The following ABCB1 variants were observed in gnomAD, a reference collection of about 807,000 sequenced individuals.
ABCB1 encodes ATP binding cassette subfamily B member 1, also known as ATP-dependent translocase ABCB1.
A neutral mutation model predicts 142.0 loss-of-function variants in ABCB1; 69 were observed. The observed-to-expected ratio is 0.49, with a 90% CI of 0.40 to 0.59. The LOEUF is 0.59. Ranked by LOEUF, ABCB1 falls within the 20% of genes least tolerant of loss-of-function variation. ABCB1 has a pLI of 0.00. For synonymous variants in ABCB1, 532 were observed against 539.2 expected (o/e 0.99, Z 0.18); for missense variants, 1,326 against 1,554.7 (o/e 0.85, Z 2.47).
chr7:87,522,747 C>T (rs1162279816), intron 21 of ABCB1, among the ~76,000 whole-genome samples: 1 of 149,782 alleles, frequency 6.7e-6, no homozygotes, highest in East Asian at 2.0e-4. Context: ...ATAAATGTGT[C>T]CTTTTTTTTA....
chr7:87,561,198 A>C (rs1817549326), intron 8 of ABCB1, 65 bp downstream of exon 8: 5 of 1,586,514 alleles, frequency 3.2e-6, no homozygotes, highest in Non-Finnish European at 4.3e-6. Flanking sequence ...TAACACTGTC[A>C]ATCTGAAGGG....
chr7:87,543,500 G>A (rs1816634059), intron 17 of ABCB1, among the ~76,000 whole-genome samples: 1 of 152,086 alleles, frequency 6.6e-6, no homozygotes. Context: ...GTTTTCAGCA[G>A]TTATGGCAAG....
chr7:87,508,303 A>C (rs2117064195), intron 26 of ABCB1, among the ~76,000 whole-genome samples: 1 of 152,350 alleles, frequency 6.6e-6, no homozygotes, highest in Admixed American at 6.5e-5. Context: ...AAACACAGTC[A>C]AAACTTTGTT....
chr7:87,700,411 T>C (rs1828927867), intron 1 of ABCB1: 2 of 1,577,416 alleles, frequency 1.3e-6, no homozygotes, highest in African/African-American at 2.7e-5. Flanking sequence ...TCGCAATTTG[T>C]CTCCTGAAGG....
chr7:87,692,328 G>A (rs745815948), intron 1 of ABCB1, among the ~76,000 whole-genome samples: 17 of 152,060 alleles, frequency 1.1e-4, no homozygotes, highest in Non-Finnish European at 2.2e-4. Flanking sequence ...CTGGTGGCAC[G>A]CACCTGTAGT....
intron 2 of ABCB1, 40 bp downstream of exon 2, chr7:87,600,077 C>T (rs369205326): frequency 4.5e-6 from 7 of 1,546,482 alleles, no homozygotes; most frequent in East Asian, 2.2e-5. Flanking sequence ...ACTCAAATCT[C>T]GCAACTATGT....
intron 1 of ABCB1, among the ~76,000 whole-genome samples, chr7:87,672,833 T>C (rs775672202): frequency 6.6e-6 from 1 of 152,136 alleles, no homozygotes; most frequent in Non-Finnish European, 1.5e-5. Context: ...TACTCCTGGG[T>C]GGGCTGTTGT....
rs764417353 is a variant in ABCB1, at chr7:87,544,266, T to C, written c.2074A>G (p.Ile692Val). Residue 692 changes from isoleucine (I) to valine (V), a missense_variant, in exon 17 of 28, where the codon ATA becomes GTA. Physicochemically the swap from Ile to Val is conservative, Grantham distance 29. Coordinates refer to ENST00000622132, the MANE Select transcript of ABCB1 (RefSeq NM_001348946.2). ...ATCCTCCAAAAGGAAACTGGAGGTA[T>C]ACTTTCATCCTAGAAAACACAAATT... ...LSTKEALDESIPPVSFWRIMK... is the reference protein window; with the variant it reads ...LSTKEALDESVPPVSFWRIMK... The C allele has an allele frequency of 2.5e-6, 4 of 1,612,922 alleles. No homozygotes were observed. The highest frequency in any genetic ancestry group is 3.4e-6 in the Non-Finnish European group (4 of 1,179,858).
intron 1 of ABCB1, among the ~76,000 whole-genome samples, chr7:87,633,043 T>C (rs1413988389): frequency 6.6e-6 from 1 of 152,218 alleles, no homozygotes; most frequent in Non-Finnish European, 1.5e-5. Flanking sequence ...TGAATAGTCT[T>C]AGTTTTCTAT....
chr7:87,548,336 G>C (rs1816898830), intron 14 of ABCB1, among the ~76,000 whole-genome samples: 1 of 150,230 alleles, frequency 6.7e-6, no homozygotes. Context: ...AAGAGCAAGA[G>C]AGGGAGGGAT....
intron 1 of ABCB1, among the ~76,000 whole-genome samples, chr7:87,706,646 C>T (rs1265246658): frequency 6.6e-6 from 1 of 152,058 alleles, no homozygotes; most frequent in Admixed American, 6.5e-5. Flanking sequence ...TTTGCTTTAG[C>T]CTAAAGTTGT....
intron 9 of ABCB1, among the ~76,000 whole-genome samples, chr7:87,552,482 C>G (rs1817116469): frequency 1.3e-5 from 2 of 152,074 alleles, no homozygotes; most frequent in Non-Finnish European, 2.9e-5. Context: ...CCATTTGAAT[C>G]AAGTTGGTCC....
At chr7:87,692,748 G>A (rs918236826) in intron 1 of ABCB1, among the ~76,000 whole-genome samples, 2 of 152,124 alleles carry the variant, frequency 1.3e-5, no homozygotes, top group Non-Finnish European at 2.9e-5. Flanking sequence ...GCAATGAAAA[G>A]CATTCTATTC....
chr7:87,541,902 CT>C (rs1816556723), intron 17 of ABCB1, among the ~76,000 whole-genome samples: 1 of 152,128 alleles, frequency 6.6e-6, no homozygotes, highest in African/African-American at 2.4e-5. Context: ...CAGCCCAGGC[CT>C]TTCAAAAAGA....
intron 1 of ABCB1, among the ~76,000 whole-genome samples, chr7:87,646,949 T>C (rs1363963147): frequency 6.6e-6 from 1 of 152,200 alleles, no homozygotes; most frequent in Non-Finnish European, 1.5e-5. Flanking sequence ...TTTCCCGTTA[T>C]TGCATGATAA....
rs1170980589 is a variant in ABCB1, at chr7:87,626,522, CAT to C, written c.-330-25446_-330-25445del. 6.0e-3 allele frequency among the ~76,000 whole-genome samples: 68 copies of C among 11,400 alleles called. 15 individuals carry two copies. The highest frequency in any genetic ancestry group is 0.019 in the East Asian group (2 of 108). The allele number at this position is 11,400 out of a possible 152,430, so 7.5% of individuals were successfully genotyped here. On this transcript the variant is annotated intron_variant, in intron 1 of 28. Coordinates refer to the ABCB1 transcript ENST00000265724. ...TCATATATGTGTCATATATATGTGT[CAT>C]ATATATGTGTCATATATGTGTCATA...
intron 21 of ABCB1, among the ~76,000 whole-genome samples, chr7:87,524,203 T>C (rs1003104002): frequency 1.3e-5 from 2 of 152,068 alleles, no homozygotes; most frequent in Admixed American, 6.6e-5. Flanking sequence ...CAAAAACTTA[T>C]TTAAAAATAA....
At chr7:87,635,190 C>G (rs1821638535) in intron 1 of ABCB1, among the ~76,000 whole-genome samples, 1 of 152,126 alleles carries the variant, frequency 6.6e-6, no homozygotes, top group Admixed American at 6.5e-5. Flanking sequence ...CTGGGTCAGT[C>G]CAAAGCATCA....
At chr7:87,666,041 C>T (rs1222937844) in intron 1 of ABCB1, among the ~76,000 whole-genome samples, 1 of 152,034 alleles carries the variant, frequency 6.6e-6, no homozygotes, top group Non-Finnish European at 1.5e-5. Context: ...TCTTTTAGCT[C>T]TTTGAGGAAT....
Sources: gnomAD v4.1 joint callset for allele counts (sites outside exome capture counted in the v4.1 genomes callset) on GRCh38, gnomAD v4.1.1 for gene constraint, MANE v1.5 for transcripts, NCBI Gene and HGNC (gene_info 2026-07-23, HGNC 2026-07-21) for gene names.